CNTNAP5: variants seen among roughly 807,000 people sequenced by gnomAD.
The protein encoded by CNTNAP5 is contactin-associated protein-like 5.
Under a neutral mutation model 150.2 loss-of-function variants are expected in CNTNAP5, and 72 were observed. The ratio of observed to expected loss-of-function variants is 0.48; its 90% CI spans 0.40 to 0.58. CNTNAP5 has a LOEUF of 0.58. Among genes scored for constraint, CNTNAP5 ranks in the 20% least tolerant of loss-of-function variants. The pLI, the probability that CNTNAP5 is intolerant of heterozygous loss-of-function variation, is 0.00. For synonymous variants in CNTNAP5, 672 were observed against 619.8 expected, an observed-to-expected ratio of 1.08 and a Z score of -1.25; for missense variants, 1,636 against 1,626.2, an observed-to-expected ratio of 1.01 and a Z score of -0.10.
At chr2:124,275,483 G>A (rs925563315) in intron 3 of CNTNAP5, among the ~76,000 whole-genome samples, 3 of 151,806 alleles carry the variant, frequency 2.0e-5, no homozygotes, top group African/African-American at 7.3e-5. Context: ...TTCAAATCCA[G>A]CACAAAAAAA....
At chr2:124,873,922 C>G (rs552052197) in intron 21 of CNTNAP5, among the ~76,000 whole-genome samples, 4 of 151,918 alleles carry the variant, frequency 2.6e-5, no homozygotes, top group Non-Finnish European at 4.4e-5. Flanking sequence ...TGTTCATTTT[C>G]TTTTTGTCTG....
intron 3 of CNTNAP5, among the ~76,000 whole-genome samples, chr2:124,288,121 G>A (rs1038484834): frequency 6.6e-6 from 1 of 152,060 alleles, no homozygotes; most frequent in Non-Finnish European, 1.5e-5. Context: ...ATATAGACAA[G>A]GACTCACCAT....
At chr2:124,517,347 T>C (rs747020471) in intron 8 of CNTNAP5, among the ~76,000 whole-genome samples, 4 of 141,098 alleles carry the variant, frequency 2.8e-5, no homozygotes, top group Non-Finnish European at 6.2e-5. Flanking sequence ...TGATGGAGGG[T>C]TATAGTGTTG....
rs117415726 is a variant in CNTNAP5, at chr2:124,219,514, A to G, written c.83-2191A>G. Reference sequence around the variant, plus strand: ...TGTTACCTGAAATAGGAGGATGGTTATATCTACACATCTGGATGGATGAGG... The same window carrying G: ...TGTTACCTGAAATAGGAGGATGGTTGTATCTACACATCTGGATGGATGAGG... On this transcript the variant is annotated intron_variant, in intron 1 of 23. Coordinates refer to ENST00000682447, the MANE Select transcript of CNTNAP5 (RefSeq NM_001367498.1). Among the ~76,000 whole-genome samples the G allele has an allele frequency of 3.8e-3, 575 of 152,158 alleles. 6 individuals carry two copies. The highest frequency in any genetic ancestry group is 0.031 in the East Asian group (161 of 5,176).
chr2:124,031,090 A>G (rs1204837887), intron 1 of CNTNAP5, among the ~76,000 whole-genome samples: 1 of 18,426 alleles, frequency 5.4e-5, no homozygotes, highest in African/African-American at 2.0e-4. Context: ...TGCTTGGTCT[A>G]GAATACCCTT....
chr2:124,589,927 C>T (rs988837920), intron 11 of CNTNAP5, among the ~76,000 whole-genome samples: 15 of 152,158 alleles, frequency 9.9e-5, no homozygotes, highest in African/African-American at 3.4e-4. Flanking sequence ...ATGCTTAATG[C>T]AGCAGTGTTG....
chr2:124,360,191 A>C (rs1259074425), intron 3 of CNTNAP5, among the ~76,000 whole-genome samples: 1 of 150,624 alleles, frequency 6.6e-6, no homozygotes, highest in Non-Finnish European at 1.5e-5. Flanking sequence ...TTTTGAGCCT[A>C]TGTGTGTCTC....
chr2:124,715,315 G>A (rs12468639), intron 13 of CNTNAP5, among the ~76,000 whole-genome samples: 24,755 of 152,040 alleles, frequency 0.16, 2,288 homozygotes, highest in East Asian at 0.24. Flanking sequence ...CCCATTTGAC[G>A]GCTTAGAGTC....
At chr2:124,810,720 T>C (rs1414531786) in intron 19 of CNTNAP5, among the ~76,000 whole-genome samples, 1 of 152,122 alleles carries the variant, frequency 6.6e-6, no homozygotes, top group Non-Finnish European at 1.5e-5. Context: ...GGATAGCAGC[T>C]ATGCAGAAGG....
rs747115930 is a variant in CNTNAP5, at chr2:124,772,787, T to C, written c.2534-12T>C. ...CTCCCTCTATCCTTCCTGTTTTCCT[T>C]TCCGGTTTCAGCTCCTTCAGAGATC... On this transcript the variant is annotated splice_polypyrimidine_tract_variant and intron_variant, in intron 16 of 23. Transcript: ENST00000682447. 1 of 1,611,766 alleles carries C rather than the reference T, an allele frequency of 6.2e-7. No individual in the cohort carries two copies. The highest frequency in any genetic ancestry group is 1.1e-5 in the South Asian group (1 of 91,038).
intron 1 of CNTNAP5, among the ~76,000 whole-genome samples, chr2:124,201,671 G>A (rs1168384093): frequency 6.6e-6 from 1 of 152,240 alleles, no homozygotes; most frequent in Admixed American, 6.5e-5. Context: ...ATGTTAAGCA[G>A]TAAGTGACAG....
intron 19 of CNTNAP5, among the ~76,000 whole-genome samples, chr2:124,855,166 GCTTTTTTT>G (rs1228437276): frequency 1.3e-5 from 1 of 77,500 alleles, no homozygotes; most frequent in African/African-American, 4.5e-5. Context: ...TTGGGCTTTT[GCTTTTTTT>G]TTTTTTTTTT....
chr2:124,302,275 A>G (rs1208757483), intron 3 of CNTNAP5, among the ~76,000 whole-genome samples: 1 of 152,238 alleles, frequency 6.6e-6, no homozygotes, highest in East Asian at 1.9e-4. Context: ...AAATAAATAA[A>G]TAAGTAAAAG....
intron 1 of CNTNAP5, among the ~76,000 whole-genome samples, chr2:124,155,169 C>T (rs977242675): frequency 6.9e-6 from 1 of 145,238 alleles, no homozygotes; most frequent in Non-Finnish European, 1.5e-5. Context: ...TTCCATCAGT[C>T]ATTCAAGCTC....
chr2:124,524,346 C>A lies in CNTNAP5; in HGVS notation c.1371C>A (p.Asn457Lys). The A allele has an allele frequency of 1.2e-6, 2 of 1,613,848 alleles. No individual in the cohort carries two copies. Among genetic ancestry groups the A allele is most frequent in the Non-Finnish European group, 8.5e-7 (1 of 1,179,830 alleles). ...NDGLWHSVSI[N>K]ARRNRITLTL... The stretch of plus-strand genomic sequence containing the variant: ...GCCTGTGGCACTCGGTTAGCATCAA[C>A]GCCAGGAGGAACCGCATCACGCTCA... Residue 457 changes from asparagine to lysine, a missense_variant, in exon 9 of 24, where the codon AAC becomes AAA. Physicochemically the swap from Asn to Lys is moderately conservative, Grantham distance 94. Transcript: ENST00000682447.
At chr2:124,130,338 C>T (rs980748009) in intron 1 of CNTNAP5, among the ~76,000 whole-genome samples, 2 of 151,934 alleles carry the variant, frequency 1.3e-5, no homozygotes, top group Non-Finnish European at 2.9e-5. Flanking sequence ...ACACAGTGCC[C>T]TGTTGCCAAA....
intron 5 of CNTNAP5, among the ~76,000 whole-genome samples, chr2:124,441,599 G>C (rs1356166320): frequency 6.6e-6 from 1 of 151,856 alleles, no homozygotes; most frequent in East Asian, 1.9e-4. Context: ...GTATACTTTT[G>C]AAATAATGTA....
intron 3 of CNTNAP5, among the ~76,000 whole-genome samples, chr2:124,313,140 C>T (rs1181457795): frequency 1.3e-5 from 2 of 152,206 alleles, no homozygotes; most frequent in Non-Finnish European, 2.9e-5. Context: ...AACCCTGTGC[C>T]ATCATCGATA....
intron 12 of CNTNAP5, among the ~76,000 whole-genome samples, chr2:124,622,256 A>T (rs764981947): frequency 6.6e-6 from 1 of 152,088 alleles, no homozygotes; most frequent in Non-Finnish European, 1.5e-5. Flanking sequence ...TTTGCTGAGG[A>T]TAATGGCTTC....
Sources: gnomAD v4.1 joint callset for allele counts (sites outside exome capture counted in the v4.1 genomes callset) on GRCh38, gnomAD v4.1.1 for gene constraint, MANE v1.5 for transcripts, NCBI Gene and HGNC (gene_info 2026-07-23, HGNC 2026-07-21) for gene names.